The following POMP variants were observed in gnomAD, a reference collection of about 807,000 sequenced individuals.
POMP encodes the protein 2510048O06Rik.
Under a neutral mutation model 20.6 loss-of-function variants are expected in POMP, and 12 were observed. The ratio of observed to expected loss-of-function variants is 0.58; its 90% CI spans 0.37 to 0.94. POMP has a LOEUF of 0.94. POMP is among the 40% of genes least tolerant of loss of function. The probability of loss-of-function intolerance (pLI) is 0.01; values close to 1 mark genes in which losing one functional copy is unlikely to be tolerated. For synonymous variants in POMP, 53 were observed against 55.0 expected (o/e 0.96, Z 0.16); for missense variants, 136 against 161.1 (o/e 0.84, Z 0.84).
At chr13:28,672,868 G>A (rs1457703519) in intron 5 of POMP, among the ~76,000 whole-genome samples, 1 of 152,068 alleles carries the variant, frequency 6.6e-6, no homozygotes, top group East Asian at 1.9e-4. Flanking sequence ...GATATTCCTA[G>A]GGTGACTTAA....
At chr13:28,669,474 C>G (rs1884505947) in intron 4 of POMP, among the ~76,000 whole-genome samples, 1 of 152,170 alleles carries the variant, frequency 6.6e-6, no homozygotes. Flanking sequence ...CTCCTGGGCT[C>G]AAGCAATCCT....
chr13:28,676,443 T>A (rs1266155919), intron 5 of POMP, among the ~76,000 whole-genome samples: 3 of 152,234 alleles, frequency 2.0e-5, no homozygotes, highest in Admixed American at 2.0e-4. Context: ...TTTTTCTTAT[T>A]TATTATTTGT....
intron 5 of POMP, among the ~76,000 whole-genome samples, chr13:28,673,364 C>T (rs533971783): frequency 4.2e-4 from 64 of 152,126 alleles, no homozygotes; most frequent in Non-Finnish European, 1.3e-4. Context: ...CCACTGCACC[C>T]GGCCGAATCT....
In POMP at chr13:28,678,430, A is replaced by C. The variant is rs1884668475; in HGVS notation, c.*328A>C. ...TTTTTTGTAAATTTAGTTTTGATTA[A>C]GCATTATAAGCATTTGAGTCTATAA... On this transcript the variant is annotated 3_prime_UTR_variant, in exon 6 of 6. Coordinates refer to ENST00000380842, the MANE Select transcript of POMP (RefSeq NM_015932.6). 2 of 292,330 alleles carry C rather than the reference A, an allele frequency of 6.8e-6. No homozygotes were observed. Among genetic ancestry groups the C allele is most frequent in the Non-Finnish European group, 1.3e-5 (2 of 151,756 alleles). The allele number at this position is 292,330 out of a possible 1,614,324, so 18.1% of individuals were successfully genotyped here. A position where few individuals can be genotyped will look rare whatever the true frequency, so the allele number is the denominator to read the frequency against.
chr13:28,669,739 GT>G (rs1566108904), intron 4 of POMP, among the ~76,000 whole-genome samples: 1 of 152,144 alleles, frequency 6.6e-6, no homozygotes, highest in Non-Finnish European at 1.5e-5. Flanking sequence ...TAAAATGCCA[GT>G]TTTGTTAGTG....
chr13:28,659,208 CT>C, intron 1 of POMP, 21 bp downstream of exon 1: 1 of 1,586,778 alleles, frequency 6.3e-7, no homozygotes, highest in African/African-American at 1.3e-5. Context: ...ACCCGGGCGG[CT>C]GGAGTTCCAC....
At chr13:28,672,210 T>C (rs1200189823) in intron 4 of POMP, 129 bp from the exon 5 acceptor site, 4 of 749,462 alleles carry the variant, frequency 5.3e-6, no homozygotes, top group Non-Finnish European at 9.5e-6. Flanking sequence ...TTTCCACTTG[T>C]TAAATTGATC....
At chr13:28,667,736 C>A (rs973036383) in intron 3 of POMP, among the ~76,000 whole-genome samples, 3 of 152,160 alleles carry the variant, frequency 2.0e-5, no homozygotes, top group African/African-American at 7.2e-5. Flanking sequence ...TTAGCTCAGA[C>A]AAATCTTTGT....
Position 28,664,580 on chromosome 13 carries a change from T to C in POMP, c.162+11T>C. On this transcript the variant is annotated intron_variant, in intron 3 of 5. Transcript: ENST00000380842. Reference sequence around the variant, plus strand: ...TTATCAGAAAAAAATGTAAGTATATTATTATGTCCTTATTTTTATCTTCTA... The same window carrying C: ...TTATCAGAAAAAAATGTAAGTATATCATTATGTCCTTATTTTTATCTTCTA... 2 of 1,410,532 alleles carry C rather than the reference T, an allele frequency of 1.4e-6. No homozygotes were observed. The highest frequency in any genetic ancestry group is 2.0e-6 in the Non-Finnish European group (2 of 1,004,120). The allele number at this position is 1,410,532 out of a possible 1,614,324, so 87.4% of individuals were successfully genotyped here.
intron 1 of POMP, among the ~76,000 whole-genome samples, chr13:28,660,091 A>G (rs775158380): frequency 6.6e-6 from 1 of 152,258 alleles, no homozygotes; most frequent in Non-Finnish European, 1.5e-5. Flanking sequence ...AACAGAATCC[A>G]GAAGTCAGAA....
At chr13:28,671,680 A>G (rs1217122061) in intron 4 of POMP, among the ~76,000 whole-genome samples, 3 of 151,460 alleles carry the variant, frequency 2.0e-5, no homozygotes, top group Middle Eastern at 3.4e-3. Context: ...TTTCCACACT[A>G]TAAAGATTTT....
rs1430292165 is a variant in POMP, at chr13:28,659,139, G to A, written c.-46G>A. 1 of 1,569,326 alleles carries A rather than the reference G, an allele frequency of 6.4e-7. No homozygotes were observed. Among genetic ancestry groups the A allele is most frequent in the Admixed American group, 1.9e-5 (1 of 53,534 alleles). ...GGAAACGGAAGTGAGCGGCGGGGTC[G>A]ACTGACGGTAACGGGGCAGAGAGGC... On this transcript the variant is annotated 5_prime_UTR_variant, in exon 1 of 6. Coordinates refer to ENST00000380842, the MANE Select transcript of POMP (RefSeq NM_015932.6).
chr13:28,674,777 A>G (rs1385539343), intron 5 of POMP, among the ~76,000 whole-genome samples: 2 of 152,206 alleles, frequency 1.3e-5, no homozygotes, highest in Non-Finnish European at 2.9e-5. Flanking sequence ...GGTGGCTCAG[A>G]TCCATAATCC....
intron 4 of POMP, among the ~76,000 whole-genome samples, chr13:28,670,145 A>G (rs763566132): frequency 1.3e-5 from 2 of 152,166 alleles, no homozygotes; most frequent in South Asian, 2.1e-4. Context: ...CCAAGTTACA[A>G]TTCTCATGAG....
At chr13:28,669,127 A>C (rs1884497695) in intron 4 of POMP, among the ~76,000 whole-genome samples, 2 of 152,096 alleles carry the variant, frequency 1.3e-5, no homozygotes, top group Admixed American at 1.3e-4. Flanking sequence ...AAATTGTATC[A>C]ATTTCAAATT....
intron 3 of POMP, 100 bp from the exon 4 acceptor site, chr13:28,668,373 A>C (rs1884482981): frequency 1.2e-6 from 1 of 854,076 alleles, no homozygotes; most frequent in African/African-American, 1.7e-5. Flanking sequence ...ATGGATATTA[A>C]AATTCTTCAT....
intron 1 of POMP, 138 bp downstream of exon 1, chr13:28,659,325 T>C: frequency 2.8e-6 from 4 of 1,406,370 alleles, no homozygotes; most frequent in Non-Finnish European, 3.9e-6. Flanking sequence ...TCAGGCGCCA[T>C]AATCTGTCGA....
At chr13:28,674,730 A>G (rs1419184973) in intron 5 of POMP, among the ~76,000 whole-genome samples, 1 of 152,194 alleles carries the variant, frequency 6.6e-6, no homozygotes, top group Non-Finnish European at 1.5e-5. Context: ...ATGTGATGGA[A>G]TTATATGTTT....
intron 5 of POMP, among the ~76,000 whole-genome samples, chr13:28,677,435 GTC>G (rs1198409762): frequency 1.2e-4 from 18 of 152,146 alleles, no homozygotes; most frequent in African/African-American, 4.3e-4. Flanking sequence ...CAAAGAAAAA[GTC>G]TCTGTCTTTA....
Sources: gnomAD v4.1 joint callset for allele counts (sites outside exome capture counted in the v4.1 genomes callset) on GRCh38, gnomAD v4.1.1 for gene constraint, MANE v1.5 for transcripts, NCBI Gene and HGNC (gene_info 2026-07-23, HGNC 2026-07-21) for gene names.